OR3A2: variants seen among roughly 807,000 people sequenced by gnomAD.
The protein encoded by OR3A2 is olfactory receptor family 3 subfamily A member 2.
For synonymous variants in OR3A2, 126 were observed against 159.3 expected, an observed-to-expected ratio of 0.79 and a Z score of 1.57; for missense variants, 318 against 392.8, an observed-to-expected ratio of 0.81 and a Z score of 1.61.
At chr17:3,337,043 CCT>C (rs1567559696) in intron 2 of OR3A2, among the ~76,000 whole-genome samples, 1 of 152,170 alleles carries the variant, frequency 6.6e-6, no homozygotes, top group African/African-American at 2.4e-5. Flanking sequence ...TAATTTCATA[CCT>C]CTTTCTGCTT....
rs186790937 is a variant in OR3A2 at position 3,356,307 on chromosome 17, A to G, written c.-178-20181T>C. Among the ~76,000 whole-genome samples the G allele has an allele frequency of 2.4e-3, 366 of 151,572 alleles. 2 individuals are homozygous for G. The highest frequency in any genetic ancestry group is 3.6e-3 in the Non-Finnish European group (244 of 67,940). ...GTTTTAAGATTCTGTTTTTCCATGC[A>G]CTTACTATTACCAGTCAGTTTTGTA... On this transcript the variant is annotated intron_variant, in intron 2 of 4. Coordinates refer to the OR3A2 transcript ENST00000573491.
intron 2 of OR3A2, among the ~76,000 whole-genome samples, chr17:3,348,637 C>A (rs1011048958): frequency 6.6e-6 from 1 of 152,084 alleles, no homozygotes; most frequent in Non-Finnish European, 1.5e-5. Flanking sequence ...CTTCCCCAAT[C>A]TAGCAAGGCA....
chr17:3,370,794 C>T (rs111511549), intron 2 of OR3A2, among the ~76,000 whole-genome samples: 74 of 150,864 alleles, frequency 4.9e-4, no homozygotes, highest in African/African-American at 1.6e-3. Context: ...TGTTTGTGTC[C>T]CTGGGTACTT....
At chr17:3,345,037 A>T (rs1208968735) in intron 2 of OR3A2, among the ~76,000 whole-genome samples, 1 of 152,180 alleles carries the variant, frequency 6.6e-6, no homozygotes, top group African/African-American at 2.4e-5. Flanking sequence ...AACCAAGAAG[A>T]ATAAAATGAT....
At chr17:3,364,795 T>G (rs963369535) in intron 2 of OR3A2, among the ~76,000 whole-genome samples, 2 of 152,188 alleles carry the variant, frequency 1.3e-5, no homozygotes, top group African/African-American at 2.4e-5. Flanking sequence ...TACACTCCCA[T>G]GTTCATTGTA....
intron 2 of OR3A2, among the ~76,000 whole-genome samples, chr17:3,344,702 A>G (rs1320867880): frequency 6.6e-6 from 1 of 152,116 alleles, no homozygotes; most frequent in Non-Finnish European, 1.5e-5. Flanking sequence ...ATGCCTTCAA[A>G]TCTCCTTCAG....
rs142106298 is a variant in OR3A2, at chr17:3,318,866, C to G, written c.-85+17167G>C. ...AGTGCGAGAGGGCCACTTTCCTAAC[C>G]CTAACCAACCCTAAGTATTGCCATT... On this transcript the variant is annotated intron_variant, in intron 3 of 4. Coordinates refer to the OR3A2 transcript ENST00000573491. 5.1e-3 allele frequency among the ~76,000 whole-genome samples: 773 copies of G among 152,294 alleles called. 3 individuals carry two copies. The highest frequency in any genetic ancestry group is 0.018 in the African/African-American group (737 of 41,552).
intron 1 of OR3A2, among the ~76,000 whole-genome samples, chr17:3,281,767 TG>T (rs2048778347): frequency 6.6e-6 from 1 of 152,216 alleles, no homozygotes; most frequent in Non-Finnish European, 1.5e-5. Context: ...AAAGGTTTGG[TG>T]GTATTTCCAG....
chr17:3,309,609 T>A (rs2049024532), intron 3 of OR3A2, among the ~76,000 whole-genome samples: 1 of 152,156 alleles, frequency 6.6e-6, no homozygotes, highest in African/African-American at 2.4e-5. Context: ...TTTCCCAGAC[T>A]CTATACGGAG....
intron 3 of OR3A2, among the ~76,000 whole-genome samples, chr17:3,328,973 T>A (rs1567556543): frequency 6.7e-6 from 1 of 150,180 alleles, no homozygotes; most frequent in Non-Finnish European, 1.5e-5. Context: ...GATAATCATG[T>A]GGTTTTTGTC....
intron 3 of OR3A2, among the ~76,000 whole-genome samples, chr17:3,293,258 C>T (rs1302449900): frequency 6.6e-6 from 1 of 151,876 alleles, no homozygotes; most frequent in Non-Finnish European, 1.5e-5. Flanking sequence ...CACCATAATC[C>T]TCTGTGACCC....
At chr17:3,282,762 GTTATA>G (rs1243233610) in intron 1 of OR3A2, among the ~76,000 whole-genome samples, 2 of 152,204 alleles carry the variant, frequency 1.3e-5, no homozygotes, top group Admixed American at 6.5e-5. Context: ...CTTTACATAT[GTTATA>G]TTAAAGGATA....
chr17:3,336,480 T>C (rs151109000), intron 2 of OR3A2, among the ~76,000 whole-genome samples: 26 of 152,288 alleles, frequency 1.7e-4, no homozygotes, highest in Admixed American at 6.5e-4. Flanking sequence ...TAATGATAGA[T>C]ACAAATAGTG....
intron 1 of OR3A2, 67 bp downstream of exon 1, chr17:3,386,058 G>C (rs942557689): frequency 5.0e-6 from 2 of 398,680 alleles, no homozygotes; most frequent in African/African-American, 4.1e-5. Context: ...TGAGCAACCT[G>C]AGCATGGTGG....
In OR3A2 at chr17:3,383,991, ATACAATATTTAT is replaced by A. The variant is rs1246425667; in HGVS notation, c.-274-104_-274-93del. ...CAAATATTTATTGAATAAATATTGT[ATACAATATTTAT>A]TGAATAAATATTGTATACAAATATT... On this transcript the variant is annotated intron_variant, in intron 1 of 4. Transcript: ENST00000573491. 145 of 40,538 alleles carry A rather than the reference ATACAATATTTAT, an allele frequency of 3.6e-3. 1 individual carries two copies. The highest frequency in any genetic ancestry group is 0.029 in the African/African-American group (131 of 4,538). The allele number at this position is 40,538 out of a possible 1,614,324, so 2.5% of individuals were successfully genotyped here. A position where few individuals can be genotyped will look rare whatever the true frequency, so the allele number is the denominator to read the frequency against.
At chr17:3,352,608 T>C (rs1295273785) in intron 2 of OR3A2, among the ~76,000 whole-genome samples, 1 of 152,096 alleles carries the variant, frequency 6.6e-6, no homozygotes, top group Non-Finnish European at 1.5e-5. Context: ...TTGGTTTATA[T>C]GTCTGTTTCT....
chr17:3,349,086 T>C (rs1281588044), intron 2 of OR3A2, among the ~76,000 whole-genome samples: 4 of 152,034 alleles, frequency 2.6e-5, no homozygotes. Flanking sequence ...CATGCCAAAA[T>C]GTAAAGACCA....
intron 3 of OR3A2, among the ~76,000 whole-genome samples, chr17:3,334,848 T>C (rs556997443): frequency 7.2e-5 from 11 of 152,318 alleles, no homozygotes; most frequent in South Asian, 6.2e-4. Flanking sequence ...TAATTCTAAA[T>C]ATGTAGTAAG....
At chr17:3,319,618 A>G (rs1013520758) in intron 3 of OR3A2, among the ~76,000 whole-genome samples, 14 of 152,092 alleles carry the variant, frequency 9.2e-5, no homozygotes, top group African/African-American at 2.9e-4. Context: ...GAGTGAGAAC[A>G]TGAGGTGTTC....
Sources: allele counts gnomAD v4.1 joint callset (sites outside exome capture counted in the v4.1 genomes callset), GRCh38; gene constraint gnomAD v4.1.1; transcripts MANE v1.5; gene names NCBI Gene and HGNC (gene_info 2026-07-23, HGNC 2026-07-21).